The following DISC1 variants were observed in gnomAD, a reference collection of about 807,000 sequenced individuals.
DISC1 encodes the protein disrupted in schizophrenia 1 protein.
DISC1 carries 57 observed loss-of-function variants against 84.5 expected under a neutral mutation model. That is an observed-to-expected ratio of 0.67 (90% confidence interval 0.55 to 0.84). DISC1 has a LOEUF of 0.84. DISC1 is among the 40% of genes least tolerant of loss of function. The pLI is 0.00. For synonymous variants in DISC1, 411 were observed against 415.2 expected, an observed-to-expected ratio of 0.99 and a Z score of 0.12; for missense variants, 1,000 against 1,057.8, an observed-to-expected ratio of 0.95 and a Z score of 0.76.
intron 1 of DISC1, among the ~76,000 whole-genome samples, chr1:231,631,482 G>A (rs115192624): frequency 0.016 from 2,419 of 152,234 alleles, 68 homozygotes; most frequent in African/African-American, 0.055. Flanking sequence ...GGCTCCATGC[G>A]TGTTTTTGCC....
chr1:231,626,875 G>A lies in DISC1; in HGVS notation c.8G>A (p.Gly3Asp), dbSNP rs746960289. 1 of 1,479,406 alleles carries A rather than the reference G, an allele frequency of 6.8e-7. No homozygotes were observed. Among genetic ancestry groups the A allele is most frequent in the South Asian group, 1.3e-5 (1 of 77,610 alleles). The allele number at this position is 1,479,406 out of a possible 1,614,324, so 91.6% of individuals were successfully genotyped here. Residue 3 changes from glycine (G) to aspartate (D), a missense_variant, in exon 1 of 13, where the codon GGC (glycine) becomes GAC (aspartate). Gly to Asp is a moderately conservative substitution (Grantham distance 94). Coordinates refer to ENST00000439617, the MANE Select transcript of DISC1 (RefSeq NM_018662.3). ...GAGCTGGCAGCGGGGCGCATGCCAG[G>A]CGGGGGTCCTCAGGGCGCCCCAGCC... Reference protein sequence around the residue: MPGGGPQGAPAAA... With the variant: MPDGGPQGAPAAA...
chr1:231,945,792 T>G (rs1010020553), intron 9 of DISC1, among the ~76,000 whole-genome samples: 8 of 152,048 alleles, frequency 5.3e-5, no homozygotes, highest in African/African-American at 9.7e-5. Flanking sequence ...TCACCACCTA[T>G]CCCACAGAAA....
intron 9 of DISC1, among the ~76,000 whole-genome samples, chr1:231,873,227 A>G (rs1036365010): frequency 2.0e-5 from 3 of 152,352 alleles, no homozygotes; most frequent in South Asian, 2.1e-4. Context: ...TTGAGTCACT[A>G]TGAAAGATTT....
At chr1:231,810,204 G>A (rs1168921727) in intron 8 of DISC1, among the ~76,000 whole-genome samples, 2 of 152,190 alleles carry the variant, frequency 1.3e-5, no homozygotes, top group Admixed American at 1.3e-4. Flanking sequence ...GGCTGGCTCT[G>A]TACTGGGTGG....
At chr1:231,770,719 G>A in intron 5 of DISC1, 116 bp from the exon 6 acceptor site, 1 of 1,517,648 alleles carries the variant, frequency 6.6e-7, no homozygotes, top group Middle Eastern at 2.1e-4. Flanking sequence ...CTCAGAAGGG[G>A]AGTTTTGTAG....
chr1:231,810,241 AGT>A (rs2080166779), intron 8 of DISC1, among the ~76,000 whole-genome samples: 1 of 152,232 alleles, frequency 6.6e-6, no homozygotes. Context: ...AGACCTACAC[AGT>A]GCTCCTGTGT....
chr1:231,660,370 A>G (rs189208064), intron 1 of DISC1, among the ~76,000 whole-genome samples: 1 of 152,070 alleles, frequency 6.6e-6, no homozygotes, highest in East Asian at 1.9e-4. Context: ...TATGTCTTGC[A>G]TGTGAGATGG....
At chr1:231,941,864 A>G (rs974371956) in intron 9 of DISC1, among the ~76,000 whole-genome samples, 1 of 152,228 alleles carries the variant, frequency 6.6e-6, no homozygotes, top group Non-Finnish European at 1.5e-5. Context: ...AGGATCAGAG[A>G]GCAAATTATC....
At chr1:231,754,744 A>G (rs1401356505) in intron 4 of DISC1, among the ~76,000 whole-genome samples, 3 of 152,328 alleles carry the variant, frequency 2.0e-5, no homozygotes, top group East Asian at 1.9e-4. Context: ...CCATAAGGAC[A>G]TCTCTTACAT....
chr1:231,750,619 A>G, intron 4 of DISC1: 1 of 982,152 alleles, frequency 1.0e-6, no homozygotes, highest in Non-Finnish European at 1.2e-6. Context: ...AATAACTTAG[A>G]AAGATTTAAA....
chr1:231,892,054 G>A (rs960020899), intron 9 of DISC1, among the ~76,000 whole-genome samples: 1 of 152,130 alleles, frequency 6.6e-6, no homozygotes, highest in Non-Finnish European at 1.5e-5. Flanking sequence ...GCTTGAAAGA[G>A]TCTCCTGCCC....
intron 9 of DISC1, 81 bp from the exon 10 acceptor site, chr1:231,958,747 G>A: frequency 7.2e-7 from 1 of 1,395,582 alleles, no homozygotes; most frequent in South Asian, 1.2e-5. Flanking sequence ...CAATCCTTTG[G>A]CTTTGAGCTT....
At chr1:231,752,372 C>T (rs1261063401) in intron 4 of DISC1, among the ~76,000 whole-genome samples, 1 of 151,994 alleles carries the variant, frequency 6.6e-6, no homozygotes, top group Admixed American at 6.6e-5. Flanking sequence ...ATTGCATTGC[C>T]AGAGTAGGAA....
intron 8 of DISC1, among the ~76,000 whole-genome samples, chr1:231,814,352 C>G (rs1311448295): frequency 6.6e-6 from 1 of 152,140 alleles, no homozygotes; most frequent in African/African-American, 2.4e-5. Context: ...TTATTTTATA[C>G]ATTGCAAAGA....
At chr1:231,866,569 A>T in intron 9 of DISC1, 1 of 1,148,306 alleles carries the variant, frequency 8.7e-7, no homozygotes, top group East Asian at 2.3e-5. Flanking sequence ...GAAGTCAGCA[A>T]CTTGCCTGAG....
chr1:231,760,831 CA>C (rs1347149881), intron 4 of DISC1, among the ~76,000 whole-genome samples: 1 of 152,338 alleles, frequency 6.6e-6, no homozygotes, highest in East Asian at 1.9e-4. Flanking sequence ...CTAGAGGGCC[CA>C]GGGGGCCTGA....
rs542098890 is a variant in DISC1 at position 232,022,050 on chromosome 1, A to C, written c.2308-4385A>C. On this transcript the variant is annotated intron_variant, in intron 11 of 12. Coordinates refer to ENST00000439617, the MANE Select transcript of DISC1 (RefSeq NM_018662.3). ...GTCACCTTTTATGACCTGACTTTGCAAGTCAGGCAGTGTCACCTTCACTAT... is the reference window on the plus strand; with the variant it reads ...GTCACCTTTTATGACCTGACTTTGCCAGTCAGGCAGTGTCACCTTCACTAT... 2.0e-5 allele frequency among the ~76,000 whole-genome samples: 3 copies of C among 152,304 alleles called. No individual in the cohort carries two copies. In the South Asian group the frequency reaches 6.2e-4, roughly 32 times the overall value.
At chr1:231,699,960 A>T (rs2066199608) in intron 2 of DISC1, among the ~76,000 whole-genome samples, 1 of 152,242 alleles carries the variant, frequency 6.6e-6, no homozygotes, top group South Asian at 2.1e-4. Flanking sequence ...CTTCTGCCTG[A>T]GCCTTTGTAC....
At chr1:231,752,724 C>T (rs2125338505) in intron 4 of DISC1, among the ~76,000 whole-genome samples, 1 of 152,340 alleles carries the variant, frequency 6.6e-6, no homozygotes, top group Non-Finnish European at 1.5e-5. Context: ...AAAGTCTCAT[C>T]TGAGACAAGG....
Sources: allele counts gnomAD v4.1 joint callset (sites outside exome capture counted in the v4.1 genomes callset), GRCh38; gene constraint gnomAD v4.1.1; transcripts MANE v1.5; gene names NCBI Gene and HGNC (gene_info 2026-07-23, HGNC 2026-07-21).